Variants in SLC9A9 observed in about 807,000 individuals in gnomAD.
SLC9A9 encodes solute carrier family 9 member A9, also known as sodium/hydrogen exchanger 9.
Under a neutral mutation model 77.8 loss-of-function variants are expected in SLC9A9, and 62 were observed. The observed-to-expected ratio is 0.80, with a 90% CI of 0.65 to 0.98. The LOEUF (loss-of-function observed/expected upper bound fraction) is 0.98. Ranked by LOEUF, SLC9A9 falls within the 50% of genes least tolerant of loss-of-function variation. SLC9A9 has a pLI of 0.00. For missense variants in SLC9A9, 775 were observed against 774.9 expected (o/e 1.00, Z 0.00); for synonymous variants, 320 against 283.5 (o/e 1.13, Z -1.29).
At chr3:143,741,138 C>T (rs1171363804) in intron 4 of SLC9A9, among the ~76,000 whole-genome samples, 1 of 152,168 alleles carries the variant, frequency 6.6e-6, no homozygotes, top group Admixed American at 6.5e-5. Flanking sequence ...ACCCAAGATC[C>T]TGGTTTCTAA....
intron 2 of SLC9A9, among the ~76,000 whole-genome samples, chr3:143,826,179 A>G (rs1264478986): frequency 6.6e-6 from 1 of 151,806 alleles, no homozygotes; most frequent in Admixed American, 6.6e-5. Context: ...GAATTGCTTG[A>G]ACCTAGGAGG....
chr3:143,295,227 T>C (rs546152807), intron 14 of SLC9A9, among the ~76,000 whole-genome samples: 4 of 152,328 alleles, frequency 2.6e-5, no homozygotes, highest in African/African-American at 9.6e-5. Flanking sequence ...GTAGCAACAA[T>C]TCACTTTAGA....
At chr3:143,692,353 G>T (rs1276015257) in intron 5 of SLC9A9, among the ~76,000 whole-genome samples, 1 of 152,018 alleles carries the variant, frequency 6.6e-6, no homozygotes, top group Non-Finnish European at 1.5e-5. Flanking sequence ...GTAGATTTTG[G>T]ACAATATTAA....
chr3:143,581,861 C>G (rs1187242868), intron 6 of SLC9A9, among the ~76,000 whole-genome samples: 1 of 152,216 alleles, frequency 6.6e-6, no homozygotes, highest in Non-Finnish European at 1.5e-5. Context: ...GGCCCACCAG[C>G]AGGTGAGACT....
chr3:143,768,457 C>T (rs1321099023), intron 4 of SLC9A9, among the ~76,000 whole-genome samples: 2 of 152,036 alleles, frequency 1.3e-5, no homozygotes, highest in African/African-American at 2.4e-5. Context: ...TGAGATGTAC[C>T]ACATTTCCCT....
chr3:143,463,198 A>C (rs1314192853), intron 12 of SLC9A9, among the ~76,000 whole-genome samples: 2 of 152,184 alleles, frequency 1.3e-5, no homozygotes, highest in African/African-American at 4.8e-5. Flanking sequence ...CTGGCATTCA[A>C]GGCCTTCCAC....
At chr3:143,677,363 T>G (rs1412779986) in intron 5 of SLC9A9, among the ~76,000 whole-genome samples, 1 of 152,218 alleles carries the variant, frequency 6.6e-6, no homozygotes. Flanking sequence ...GCTGGAAAAC[T>G]CTCAAGTTAA....
rs531435181 is a variant in SLC9A9 at position 143,836,823 on chromosome 3, A to G, written c.176-4602T>C. Among the ~76,000 whole-genome samples, 8 of 152,340 alleles carry G rather than the reference A, an allele frequency of 5.3e-5. No individual in the cohort carries two copies. In the East Asian group the frequency reaches 1.3e-3, roughly 26 times the overall value. On this transcript the variant is annotated intron_variant, in intron 1 of 15. Coordinates refer to ENST00000316549, the MANE Select transcript of SLC9A9 (RefSeq NM_173653.4). ...CTCTAGGACTTGTAGGAGTTATTAT[A>G]AAGATAAATAAAATATGATTTTGCC...
chr3:143,754,520 G>A (rs888317156), intron 4 of SLC9A9, among the ~76,000 whole-genome samples: 2 of 152,204 alleles, frequency 1.3e-5, no homozygotes, highest in South Asian at 2.1e-4. Context: ...ATTGGGGAAT[G>A]TGTTAAACCT....
At chr3:143,587,541 G>A (rs1417109624) in intron 6 of SLC9A9, among the ~76,000 whole-genome samples, 1 of 152,250 alleles carries the variant, frequency 6.6e-6, no homozygotes, top group Non-Finnish European at 1.5e-5. Flanking sequence ...GAGGGAAATG[G>A]TGGGGAGGAC....
intron 6 of SLC9A9, among the ~76,000 whole-genome samples, chr3:143,591,739 T>C (rs2037648150): frequency 6.6e-6 from 1 of 151,632 alleles, no homozygotes; most frequent in South Asian, 2.1e-4. Context: ...GCACAATATA[T>C]TGCTTGGTGC....
At chr3:143,733,798 T>C (rs1402350838) in intron 4 of SLC9A9, among the ~76,000 whole-genome samples, 1 of 152,046 alleles carries the variant, frequency 6.6e-6, no homozygotes, top group Non-Finnish European at 1.5e-5. Context: ...AGAGAGCACA[T>C]GCCCCCACTT....
chr3:143,711,794 C>T (rs1408481023), intron 4 of SLC9A9, among the ~76,000 whole-genome samples: 2 of 152,116 alleles, frequency 1.3e-5, no homozygotes, highest in Non-Finnish European at 2.9e-5. Context: ...TGTTTCTCAC[C>T]ACTCCAGCAA....
intron 6 of SLC9A9, among the ~76,000 whole-genome samples, chr3:143,617,167 C>T (rs944749167): frequency 2.6e-5 from 4 of 152,308 alleles, no homozygotes; most frequent in East Asian, 1.9e-4. Context: ...AATCTATCAT[C>T]ACGTGGAGTC....
At chr3:143,682,603 A>G (rs1933137469) in intron 5 of SLC9A9, among the ~76,000 whole-genome samples, 1 of 152,124 alleles carries the variant, frequency 6.6e-6, no homozygotes, top group Admixed American at 6.6e-5. Flanking sequence ...ATGCAAATTT[A>G]TTATCTTATA....
At chr3:143,786,405 C>A (rs187828818) in intron 4 of SLC9A9, among the ~76,000 whole-genome samples, 2 of 152,146 alleles carry the variant, frequency 1.3e-5, no homozygotes, top group African/African-American at 4.8e-5. Context: ...GCTTCATTTT[C>A]TCTCCCCTGT....
At chr3:143,406,384 T>C (rs1459036457) in intron 12 of SLC9A9, among the ~76,000 whole-genome samples, 1 of 145,774 alleles carries the variant, frequency 6.9e-6, no homozygotes, top group African/African-American at 2.5e-5. Flanking sequence ...TTCCTGTATC[T>C]TTTTTTTTTT....
intron 9 of SLC9A9, among the ~76,000 whole-genome samples, chr3:143,511,305 G>A (rs1012743915): frequency 1.3e-5 from 2 of 152,122 alleles, no homozygotes; most frequent in Non-Finnish European, 2.9e-5. Flanking sequence ...TTGCCCCCAC[G>A]ACCTTTAAGA....
intron 12 of SLC9A9, among the ~76,000 whole-genome samples, chr3:143,462,100 C>T (rs2035203767): frequency 6.6e-6 from 1 of 152,116 alleles, no homozygotes; most frequent in Admixed American, 6.6e-5. Flanking sequence ...GGTGTGGTGG[C>T]TCATGCCTGT....
Sources: gnomAD v4.1 joint callset for allele counts (sites outside exome capture counted in the v4.1 genomes callset) on GRCh38, gnomAD v4.1.1 for gene constraint, MANE v1.5 for transcripts, NCBI Gene and HGNC (gene_info 2026-07-23, HGNC 2026-07-21) for gene names.